DIPK1A: variants seen among roughly 807,000 people sequenced by gnomAD.
DIPK1A encodes family with sequence similarity 69 member A.
A neutral mutation model predicts 40.8 loss-of-function variants in DIPK1A; 27 were observed. The observed-to-expected ratio is 0.66, with a 90% CI of 0.49 to 0.91. DIPK1A has a LOEUF of 0.91. Among genes scored for constraint, DIPK1A ranks in the 40% least tolerant of loss-of-function variants. DIPK1A has a pLI of 0.00. For missense variants in DIPK1A, 412 were observed against 505.7 expected (o/e 0.81, Z 1.78); for synonymous variants, 166 against 171.3 (o/e 0.97, Z 0.24).
intron 1 of DIPK1A, among the ~76,000 whole-genome samples, chr1:92,894,109 A>G: frequency 6.6e-6 from 1 of 152,080 alleles, no homozygotes; most frequent in Non-Finnish European, 1.5e-5. Flanking sequence ...CAGAAAGTCA[A>G]CAAGGATATC....
intron 1 of DIPK1A, among the ~76,000 whole-genome samples, chr1:92,900,683 C>T (rs765848866): frequency 2.6e-5 from 4 of 152,104 alleles, no homozygotes; most frequent in Non-Finnish European, 5.9e-5. Flanking sequence ...TGCAGCCCTA[C>T]CCTACTCCTG....
chr1:92,887,389 G>A (rs531695660), intron 1 of DIPK1A, among the ~76,000 whole-genome samples: 1 of 151,978 alleles, frequency 6.6e-6, no homozygotes, highest in Non-Finnish European at 1.5e-5. Context: ...TCACACCACT[G>A]TACTCTAGCC....
chr1:92,958,858 G>A (rs1054853671), intron 1 of DIPK1A, among the ~76,000 whole-genome samples: 2 of 152,110 alleles, frequency 1.3e-5, no homozygotes, highest in African/African-American at 4.8e-5. Context: ...AAAGGGGTGG[G>A]AAAAATAAAT....
chr1:92,858,417 T>C (rs1247421715), intron 2 of DIPK1A, among the ~76,000 whole-genome samples: 1 of 152,212 alleles, frequency 6.6e-6, no homozygotes, highest in East Asian at 1.9e-4. Flanking sequence ...AGATACTTGG[T>C]TACATTCATC....
intron 3 of DIPK1A, among the ~76,000 whole-genome samples, chr1:92,848,326 C>T (rs906241937): frequency 1.3e-5 from 2 of 152,238 alleles, no homozygotes; most frequent in Non-Finnish European, 2.9e-5. Flanking sequence ...CTTTCCATGA[C>T]CGGTTGGGCT....
At chr1:92,833,649 A>G (rs763905952) in intron 4 of DIPK1A, 13 of 1,610,298 alleles carry the variant, frequency 8.1e-6, no homozygotes, top group Non-Finnish European at 1.1e-5. Flanking sequence ...AAACAGAGAT[A>G]TCATTTGTCA....
chr1:92,898,804 C>T (rs1012187479), intron 1 of DIPK1A, among the ~76,000 whole-genome samples: 29 of 151,882 alleles, frequency 1.9e-4, no homozygotes, highest in African/African-American at 6.0e-4. Flanking sequence ...ACTCTGTCAC[C>T]CAGGCTGGAG....
chr1:92,913,392 A>T (rs1649914080), intron 1 of DIPK1A, among the ~76,000 whole-genome samples: 1 of 152,176 alleles, frequency 6.6e-6, no homozygotes, highest in South Asian at 2.1e-4. Flanking sequence ...AAAAGGGGAA[A>T]ATACTGGTCT....
intron 1 of DIPK1A, chr1:92,932,200 G>A (rs1406442977): frequency 2.9e-5 from 5 of 171,726 alleles, no homozygotes; most frequent in Non-Finnish European, 6.3e-5. Flanking sequence ...CAGCACTTTG[G>A]GAGGCCGAGG....
intron 2 of DIPK1A, among the ~76,000 whole-genome samples, chr1:92,851,440 G>T (rs1687815661): frequency 6.8e-6 from 1 of 146,714 alleles, no homozygotes; most frequent in African/African-American, 2.5e-5. Flanking sequence ...CTACTCGGGA[G>T]GCTGAGGCAG....
chr1:92,925,531 CA>C (rs1172313167), intron 1 of DIPK1A, among the ~76,000 whole-genome samples: 1 of 152,090 alleles, frequency 6.6e-6, no homozygotes, highest in East Asian at 1.9e-4. Flanking sequence ...TCTCGCGCTG[CA>C]ACCCAGGATG....
chr1:92,894,790 A>C (rs1385945189), intron 1 of DIPK1A, among the ~76,000 whole-genome samples: 2 of 152,154 alleles, frequency 1.3e-5, no homozygotes, highest in African/African-American at 2.4e-5. Context: ...GAGAAGAATC[A>C]AATAGAGGCA....
At chr1:92,885,436 ACCTCCG>A (rs906921906) in intron 1 of DIPK1A, among the ~76,000 whole-genome samples, 2 of 152,006 alleles carry the variant, frequency 1.3e-5, no homozygotes, top group Non-Finnish European at 2.9e-5. Context: ...GTTCACTGCA[ACCTCCG>A]CCTCCTAGGT....
chr1:92,944,571 C>T (rs1232813799), intron 1 of DIPK1A, among the ~76,000 whole-genome samples: 3 of 152,152 alleles, frequency 2.0e-5, no homozygotes. Flanking sequence ...TTATTTTTGG[C>T]CCAGAATTCT....
chr1:92,875,713 CAAAA>C (rs748661421), intron 2 of DIPK1A, among the ~76,000 whole-genome samples: 1 of 54,424 alleles, frequency 1.8e-5, no homozygotes, highest in Admixed American at 2.1e-4. Context: ...GACTTCGTCT[CAAAA>C]AAAAAAAAAA....
At chr1:92,917,916 C>T (rs1365966003) in intron 1 of DIPK1A, among the ~76,000 whole-genome samples, 1 of 152,104 alleles carries the variant, frequency 6.6e-6, no homozygotes, top group Non-Finnish European at 1.5e-5. Context: ...TCCAGAGACC[C>T]ATTTTATATA....
chr1:92,942,303 T>C (rs1651184367), intron 1 of DIPK1A, among the ~76,000 whole-genome samples: 1 of 152,218 alleles, frequency 6.6e-6, no homozygotes, highest in Non-Finnish European at 1.5e-5. Context: ...ATCTCATGAG[T>C]CTTTCTATTT....
intron 1 of DIPK1A, among the ~76,000 whole-genome samples, chr1:92,960,558 G>C (rs1487455885): frequency 2.0e-5 from 3 of 152,194 alleles, no homozygotes; most frequent in Non-Finnish European, 4.4e-5. Flanking sequence ...AGTACACTTA[G>C]GCAGTAGTAG....
rs184708359 is a variant in DIPK1A, at chr1:92,892,256, G to C, written c.55-15826C>G. ...GAGTAGCCTAACTGGGAGGCACCCC[G>C]CAGTAGGGGCAGATACTGACACCTC... On this transcript the variant is annotated intron_variant, in intron 1 of 4. Coordinates refer to ENST00000370310, the MANE Select transcript of DIPK1A (RefSeq NM_001006605.5). 3.0e-4 allele frequency among the ~76,000 whole-genome samples: 46 copies of C among 152,156 alleles called. No individual in the cohort carries two copies. The East Asian group carries it at 7.9e-3, about 26-fold the overall frequency.
Sources: allele counts gnomAD v4.1 joint callset (sites outside exome capture counted in the v4.1 genomes callset), GRCh38; gene constraint gnomAD v4.1.1; transcripts MANE v1.5; gene names NCBI Gene and HGNC (gene_info 2026-07-23, HGNC 2026-07-21).